AFG2A: variants seen among roughly 807,000 people sequenced by gnomAD.
AFG2A encodes the protein AAA ATPase AFG2A.
the AFG2A span, among the ~76,000 whole-genome samples, chr4:122,939,310 G>A: frequency 6.6e-6 from 1 of 151,806 alleles, no homozygotes; most frequent in Non-Finnish European, 1.5e-5. Context: ...TCGAGCTCCT[G>A]ACCTCAGGTG....
the AFG2A span, among the ~76,000 whole-genome samples, chr4:122,956,116 C>T: frequency 6.6e-6 from 1 of 152,126 alleles, no homozygotes; most frequent in Admixed American, 6.5e-5. Context: ...TCCAGAAATA[C>T]ACTGTCTGAT....
the AFG2A span, among the ~76,000 whole-genome samples, chr4:123,197,338 G>T: frequency 1.3e-5 from 2 of 151,914 alleles, no homozygotes. Context: ...ATCATCCCCG[G>T]GTTAAGAGAA....
chr4:123,138,314 G>T, the AFG2A span, among the ~76,000 whole-genome samples: 1 of 152,076 alleles, frequency 6.6e-6, no homozygotes, highest in Admixed American at 6.5e-5. Flanking sequence ...CTGCACATTT[G>T]ACCACAATGC....
At chr4:122,928,062 C>T in the AFG2A span, among the ~76,000 whole-genome samples, 2 of 152,190 alleles carry the variant, frequency 1.3e-5, no homozygotes, top group South Asian at 4.1e-4. Context: ...TTTTAAAAGA[C>T]ATTAACATGT....
At chr4:122,979,526 A>G in the AFG2A span, 1 of 960,836 alleles carries the variant, frequency 1.0e-6, no homozygotes, top group Non-Finnish European at 1.5e-6. Flanking sequence ...AGATAGCTGT[A>G]AATTCAGTGC....
the AFG2A span, among the ~76,000 whole-genome samples, chr4:123,056,067 C>T: frequency 6.6e-6 from 1 of 152,184 alleles, no homozygotes; most frequent in African/African-American, 2.4e-5. Flanking sequence ...TGAGAAATGG[C>T]TGTTCCATCT....
At chr4:123,131,740 G>A in the AFG2A span, among the ~76,000 whole-genome samples, 1 of 152,120 alleles carries the variant, frequency 6.6e-6, no homozygotes, top group Non-Finnish European at 1.5e-5. Flanking sequence ...TGGACAGTTA[G>A]GTTGTATCCA....
the AFG2A span, among the ~76,000 whole-genome samples, chr4:123,067,753 A>G: frequency 6.6e-6 from 1 of 152,228 alleles, no homozygotes; most frequent in Non-Finnish European, 1.5e-5. Context: ...AATAATTACC[A>G]TAATGGGAGT....
chr4:123,276,471 A>C, the AFG2A span, among the ~76,000 whole-genome samples: 3 of 152,130 alleles, frequency 2.0e-5, no homozygotes, highest in African/African-American at 7.2e-5. Context: ...GATATGCAAA[A>C]GCTCTTTAGT....
At chr4:123,158,619 G>A in the AFG2A span, among the ~76,000 whole-genome samples, 1 of 152,172 alleles carries the variant, frequency 6.6e-6, no homozygotes, top group Non-Finnish European at 1.5e-5. Context: ...GAAATACAGA[G>A]TACATAGGCA....
chr4:123,059,567 G>A, the AFG2A span, among the ~76,000 whole-genome samples: 2 of 151,562 alleles, frequency 1.3e-5, no homozygotes, highest in Non-Finnish European at 2.9e-5. Context: ...TGGACATTTG[G>A]GTTGGTTCCA....
the AFG2A span, chr4:122,935,870 C>T: frequency 1.9e-6 from 3 of 1,563,288 alleles, no homozygotes; most frequent in African/African-American, 4.1e-5. Flanking sequence ...ATAGAGTAAA[C>T]TTACTATTAA....
At chr4:122,956,369 G>A in the AFG2A span, among the ~76,000 whole-genome samples, 1 of 152,182 alleles carries the variant, frequency 6.6e-6, no homozygotes, top group African/African-American at 2.4e-5. Flanking sequence ...AGGCCTCAGA[G>A]CGAGTATCCA....
At chr4:122,937,302 T>C in the AFG2A span, among the ~76,000 whole-genome samples, 1 of 152,168 alleles carries the variant, frequency 6.6e-6, no homozygotes, top group African/African-American at 2.4e-5. Flanking sequence ...CCTCCCCCTG[T>C]AGCCTCCCAA....
chr4:123,094,430 G>A, the AFG2A span, among the ~76,000 whole-genome samples: 1 of 152,020 alleles, frequency 6.6e-6, no homozygotes, highest in Non-Finnish European at 1.5e-5. Flanking sequence ...AAACATTTTA[G>A]GCCAGAGAGG....
the AFG2A span, among the ~76,000 whole-genome samples, chr4:123,219,047 G>A: frequency 6.6e-6 from 1 of 152,210 alleles, no homozygotes; most frequent in Non-Finnish European, 1.5e-5. Flanking sequence ...GAAGTCCCAT[G>A]ATAGGCTATC....
At chr4:123,292,528 C>T in the AFG2A span, among the ~76,000 whole-genome samples, 4 of 151,942 alleles carry the variant, frequency 2.6e-5, no homozygotes, top group Admixed American at 1.3e-4. Context: ...ATTTTTTATT[C>T]TACTGGGTTA....
chr4:122,996,371 T>A, the AFG2A span, among the ~76,000 whole-genome samples: 3 of 152,192 alleles, frequency 2.0e-5, no homozygotes, highest in Non-Finnish European at 4.4e-5. Flanking sequence ...TAATTTTAGT[T>A]GAATGGCTGA....
chr4:123,307,143 T>G, the AFG2A span, among the ~76,000 whole-genome samples: 2 of 152,204 alleles, frequency 1.3e-5, no homozygotes, highest in Non-Finnish European at 2.9e-5. Context: ...AATTCCCCCA[T>G]CACTGAAACT....
Sources: allele counts gnomAD v4.1 joint callset (sites outside exome capture counted in the v4.1 genomes callset), GRCh38; gene constraint gnomAD v4.1.1; transcripts MANE v1.5; gene names NCBI Gene and HGNC (gene_info 2026-07-23, HGNC 2026-07-21).